The following REXO4 variants were observed in gnomAD, a reference collection of about 807,000 sequenced individuals.
REXO4 encodes RNA exonuclease 4, also known as REX4 homolog, 3'-5' exonuclease.
In REXO4, 29 loss-of-function variants were observed where a neutral mutation model predicts 39.9. The observed-to-expected ratio is 0.73, with a 90% CI of 0.54 to 0.99. REXO4 has a LOEUF of 0.99. REXO4 is among the 50% of genes least tolerant of loss of function. The pLI, the probability that REXO4 is intolerant of heterozygous loss-of-function variation, is 0.00. For synonymous variants in REXO4, 184 were observed against 206.2 expected (o/e 0.89, Z 0.92); for missense variants, 524 against 546.5 (o/e 0.96, Z 0.41).
At chr9:133,415,104 T>A (rs1839497866) in intron 1 of REXO4, 93 bp from the exon 2 acceptor site, 1 of 948,414 alleles carries the variant, frequency 1.1e-6, no homozygotes, top group East Asian at 2.4e-5. Flanking sequence ...TATACACACA[T>A]ATACACCAAA....
At chr9:133,418,081 CCT>C, upstream of REXO4, 1 of 543,200 alleles carries the variant, frequency 1.8e-6, no homozygotes, top group Non-Finnish European at 3.2e-6. Context: ...CGGATCCCTG[CCT>C]CTGGTTCCGC....
At chr9:133,410,185 C>T (rs923073603) in intron 5 of REXO4, among the ~76,000 whole-genome samples, 8 of 152,214 alleles carry the variant, frequency 5.3e-5, no homozygotes, top group Non-Finnish European at 1.2e-4. Flanking sequence ...TCAAGTTCCT[C>T]ACCACACCCA....
At chr9:133,414,453 T>C (rs1057276773) in intron 2 of REXO4, 3 of 699,950 alleles carry the variant, frequency 4.3e-6, no homozygotes, top group Non-Finnish European at 7.8e-6. Flanking sequence ...CACTAAATGC[T>C]GAGCTCTGCT....
chr9:133,409,671 C>G (rs1839109075), intron 5 of REXO4, among the ~76,000 whole-genome samples: 1 of 152,178 alleles, frequency 6.6e-6, no homozygotes, highest in Non-Finnish European at 1.5e-5. Context: ...AACTGATCCT[C>G]CTACCCCAGT....
intron 5 of REXO4, among the ~76,000 whole-genome samples, chr9:133,409,625 A>G (rs1256035547): frequency 2.0e-5 from 3 of 152,088 alleles, no homozygotes; most frequent in Non-Finnish European, 4.4e-5. Flanking sequence ...GCTATAGGGT[A>G]ATCATGGCTC....
rs781954438 is a variant in REXO4 at position 133,406,068 on chromosome 9, G to A, written c.*885C>T. The A allele has an allele frequency of 3.3e-5, 5 of 152,212 alleles. No individual in the cohort carries two copies. Among genetic ancestry groups the A allele is most frequent in the African/African-American group, 4.8e-5 (2 of 41,424 alleles). The allele number at this position is 152,212 out of a possible 1,614,324, so 9.4% of individuals were successfully genotyped here. A position where few individuals can be genotyped will look rare whatever the true frequency, so the allele number is the denominator to read the frequency against. ...TGAGCCTCCACAGGCTCCATTCCAAGTAAACATCTGCATTTATTTTAAATC... is the reference window on the plus strand; with the variant it reads ...TGAGCCTCCACAGGCTCCATTCCAAATAAACATCTGCATTTATTTTAAATC... On this transcript the variant is annotated 3_prime_UTR_variant, in exon 8 of 8. Coordinates refer to ENST00000371942, the MANE Select transcript of REXO4 (RefSeq NM_020385.4).
Position 133,417,904 on chromosome 9 carries a change from G to A in REXO4, c.-60C>T, listed in dbSNP as rs1323909043. The A allele has an allele frequency of 1.1e-5, 16 of 1,508,134 alleles. No homozygotes were observed. The highest frequency in any genetic ancestry group is 2.0e-5 in the Admixed American group (1 of 49,286). 93.4% of individuals were successfully genotyped at this position (1,508,134 alleles called of 1,614,324 possible). ...CCGAGACCCCGGCCTCCCCGGGCCC[G>A]GCGCCCTGGCAGCACAAGCGCCTGC... On this transcript the variant is annotated 5_prime_UTR_variant, in exon 1 of 8. Transcript: ENST00000371942.
Position 133,412,386 on chromosome 9 carries a change from C to T in REXO4, c.823G>A (p.Val275Ile), listed in dbSNP as rs200413290. 4.9e-5 allele frequency: 79 copies of T among 1,614,142 alleles called. 1 individual carries two copies. The Middle Eastern group carries it at 4.9e-4, about 10-fold the overall frequency. Residue 275 changes from valine to isoleucine, a missense_variant, in exon 4 of 8, where the codon GTT (valine) becomes ATT (isoleucine). Coordinates refer to ENST00000371942, the MANE Select transcript of REXO4 (RefSeq NM_020385.4). ...GTTGGTTTGACGTACTTGTCATAAA[C>T]GCACTTCCCATACTGGTTCACGATG... is the stretch of plus-strand genomic sequence containing the variant. ...VSIVNQYGKC[V>I]YDKYVKPTEP...
Position 133,414,908 on chromosome 9 carries a change from G to T in REXO4, c.329C>A (p.Thr110Asn), listed in dbSNP as rs1588139489. Residue 110 changes from threonine (T) to asparagine (N), a missense_variant, in exon 2 of 8, where the codon ACC becomes AAC. Physicochemically the swap from Thr to Asn is moderately conservative, Grantham distance 65. Coordinates refer to ENST00000371942, the MANE Select transcript of REXO4 (RefSeq NM_020385.4). ...PKIIQQNKKE[T>N]SPQVKGEEMP... ...CTCCTCTCCCTTCACTTGAGGCGAG[G>T]TCTCTTTTTTGTTTTGCTGGATAAT... The T allele has an allele frequency of 6.2e-7, 1 of 1,614,078 alleles. No individual in the cohort carries two copies. The highest frequency in any genetic ancestry group is 8.5e-7 in the Non-Finnish European group (1 of 1,180,020).
intron 4 of REXO4, 24 bp from the exon 5 acceptor site, chr9:133,411,097 G>A (rs199894657): frequency 9.4e-6 from 15 of 1,602,140 alleles, no homozygotes; most frequent in Admixed American, 3.3e-5. Flanking sequence ...ACAAAGAAGC[G>A]GTTTTTTGCA....
At chr9:133,414,386 A>G (rs1554780964) in intron 2 of REXO4, 2 of 642,588 alleles carry the variant, frequency 3.1e-6, no homozygotes, top group African/African-American at 1.8e-5. Context: ...GACAGGCCTC[A>G]TACTTGGGTC....
Position 133,406,670 on chromosome 9 carries a change from C to T in REXO4, c.*283G>A, listed in dbSNP as rs1021152093. The stretch of plus-strand genomic sequence containing the variant: ...GCCCACAGGCCCCAACCTCACCTGG[C>T]CCAGGGGGTCAGCAGTCGGTAAAGC... On this transcript the variant is annotated 3_prime_UTR_variant, in exon 8 of 8. Transcript: ENST00000371942. The T allele has an allele frequency of 4.3e-6, 2 of 460,104 alleles. No individual in the cohort carries two copies. The highest frequency in any genetic ancestry group is 8.0e-6 in the Non-Finnish European group (2 of 249,282). The allele number at this position is 460,104 out of a possible 1,614,324, so 28.5% of individuals were successfully genotyped here. A position where few individuals can be genotyped will look rare whatever the true frequency, so the allele number is the denominator to read the frequency against.
chr9:133,414,055 T>G (rs1219819158), intron 2 of REXO4, among the ~76,000 whole-genome samples: 7 of 152,308 alleles, frequency 4.6e-5, no homozygotes, highest in African/African-American at 9.6e-5. Flanking sequence ...CCCACGTGGG[T>G]GGCCAGCACA....
chr9:133,408,934 TTGTGTG>T (rs71503345), intron 5 of REXO4, 92 bp from the exon 6 acceptor site: 5,397 of 320,246 alleles, frequency 0.017, 70 homozygotes, highest in East Asian at 0.085. Context: ...AGTAACATCT[TTGTGTG>T]TGTGTGTGTG....
intron 4 of REXO4, 51 bp downstream of exon 4, chr9:133,412,248 G>A (rs782304275): frequency 1.4e-5 from 22 of 1,570,128 alleles, no homozygotes; most frequent in East Asian, 2.2e-5. Flanking sequence ...GGGAGAAAAC[G>A]AATCCAGTTA....
intron 1 of REXO4, among the ~76,000 whole-genome samples, chr9:133,417,159 G>C (rs1588143265): frequency 6.6e-6 from 1 of 152,182 alleles, no homozygotes; most frequent in East Asian, 1.9e-4. Flanking sequence ...CTACCGGCGC[G>C]CGCCATCACG....
chr9:133,406,928 C>G lies in REXO4; in HGVS notation c.*25G>C. ...TGGTCACATTGCCTCTGTAGCGGGG[C>G]GGCAGCAGCAGCAGGGCAGGACTGC... On this transcript the variant is annotated 3_prime_UTR_variant, in exon 8 of 8. Transcript: ENST00000371942. 1 of 1,607,522 alleles carries G rather than the reference C, an allele frequency of 6.2e-7. No homozygotes were observed. Among genetic ancestry groups the G allele is most frequent in the Middle Eastern group, 1.7e-4 (1 of 5,938 alleles).
At chr9:133,417,115 A>C (rs1370974355) in intron 1 of REXO4, among the ~76,000 whole-genome samples, 1 of 152,130 alleles carries the variant, frequency 6.6e-6, no homozygotes, top group Non-Finnish European at 1.5e-5. Flanking sequence ...GGTTCAAGCG[A>C]TTCTTCTGCC....
At chr9:133,414,621 G>A in intron 2 of REXO4, 44 bp downstream of exon 2, 1 of 1,571,502 alleles carries the variant, frequency 6.4e-7, no homozygotes, top group Non-Finnish European at 8.8e-7. Flanking sequence ...CCTTGGTGAA[G>A]TCGCTGTGCC....
Sources: gnomAD v4.1 joint callset for allele counts (sites outside exome capture counted in the v4.1 genomes callset) on GRCh38, gnomAD v4.1.1 for gene constraint, MANE v1.5 for transcripts, NCBI Gene and HGNC (gene_info 2026-07-23, HGNC 2026-07-21) for gene names.